The following CRYL1 variants were observed in gnomAD, a reference collection of about 807,000 sequenced individuals.
CRYL1 encodes crystallin lambda 1.
Under a neutral mutation model 36.6 loss-of-function variants are expected in CRYL1, and 29 were observed. The ratio of observed to expected loss-of-function variants is 0.79; its 90% CI spans 0.59 to 1.08. The LOEUF (loss-of-function observed/expected upper bound fraction) is 1.08. Among genes scored for constraint, CRYL1 ranks in the 50% least tolerant of loss-of-function variants. CRYL1 has a pLI of 0.00. For synonymous variants in CRYL1, 152 were observed against 151.5 expected (o/e 1.00, Z -0.02); for missense variants, 411 against 407.9 (o/e 1.01, Z -0.06).
chr13:20,520,591 A>C (rs753390991), intron 1 of CRYL1, among the ~76,000 whole-genome samples: 9 of 152,122 alleles, frequency 5.9e-5, no homozygotes, highest in Non-Finnish European at 1.2e-4. Flanking sequence ...CAGTCTTGAG[A>C]TTGGCCCCTT....
At chr13:20,428,606 T>C (rs2031985352) in intron 5 of CRYL1, among the ~76,000 whole-genome samples, 1 of 152,170 alleles carries the variant, frequency 6.6e-6, no homozygotes, top group Admixed American at 6.5e-5. Context: ...TATCACCACT[T>C]AGTGAGTGGC....
intron 3 of CRYL1, among the ~76,000 whole-genome samples, chr13:20,480,458 G>A (rs915407278): frequency 6.6e-6 from 1 of 152,140 alleles, no homozygotes; most frequent in Non-Finnish European, 1.5e-5. Flanking sequence ...AAACTGAAAG[G>A]TAAAGTAGAA....
intron 3 of CRYL1, among the ~76,000 whole-genome samples, chr13:20,477,397 T>C (rs1164870466): frequency 6.6e-6 from 1 of 151,218 alleles, no homozygotes; most frequent in Non-Finnish European, 1.5e-5. Flanking sequence ...TTTTAGGTGT[T>C]GGAGAAATAG....
intron 2 of CRYL1, among the ~76,000 whole-genome samples, chr13:20,508,875 A>AAAAAAAAC (rs1491583448): frequency 7.2e-5 from 1 of 13,800 alleles, no homozygotes; most frequent in African/African-American, 1.4e-4. Context: ...AAAAAAAAAA[A>AAAAAAAAC]CAAAAAAAAA....
intron 5 of CRYL1, among the ~76,000 whole-genome samples, chr13:20,417,797 C>A (rs1042151572): frequency 6.6e-6 from 1 of 152,152 alleles, no homozygotes; most frequent in African/African-American, 2.4e-5. Flanking sequence ...CACAAGACAT[C>A]CGTGAAGTAG....
At chr13:20,471,433 A>G (rs113740366) in intron 3 of CRYL1, among the ~76,000 whole-genome samples, 7,762 of 152,028 alleles carry the variant, frequency 0.051, 654 homozygotes, top group African/African-American at 0.17. Flanking sequence ...TGGCTAACCC[A>G]TCTCTACTAA....
intron 6 of CRYL1, among the ~76,000 whole-genome samples, chr13:20,411,520 G>A (rs1277156296): frequency 6.6e-6 from 1 of 152,096 alleles, no homozygotes; most frequent in East Asian, 1.9e-4. Context: ...GTGGTTATCA[G>A]GCAGCGTCTG....
At chr13:20,451,650 T>A (rs1463271910) in intron 3 of CRYL1, among the ~76,000 whole-genome samples, 1 of 152,202 alleles carries the variant, frequency 6.6e-6, no homozygotes. Flanking sequence ...CTGGCAAGGC[T>A]GCAGAGAAAA....
At chr13:20,512,625 T>A in intron 1 of CRYL1, 75 bp from the exon 2 acceptor site, 1 of 1,080,378 alleles carries the variant, frequency 9.3e-7, no homozygotes, top group Non-Finnish European at 1.4e-6. Context: ...CCAGAATGAG[T>A]TTTTTTTAAA....
rs186858769 is a variant in CRYL1, at chr13:20,484,096, G to A, written c.276+5274C>T. Among the ~76,000 whole-genome samples the A allele has an allele frequency of 1.8e-3, 279 of 152,292 alleles. 2 individuals are homozygous for A. Among genetic ancestry groups the A allele is most frequent in the Non-Finnish European group, 2.8e-3 (192 of 68,024 alleles). On this transcript the variant is annotated intron_variant, in intron 3 of 7. Coordinates refer to ENST00000298248, the MANE Select transcript of CRYL1 (RefSeq NM_015974.3). ...CTCCCAAAGTGCTGGGATTACAGGC[G>A]TGAGCCACCGCGCCTGGCCAAAATA...
chr13:20,480,397 T>A (rs77156479), intron 3 of CRYL1, among the ~76,000 whole-genome samples: 1 of 133,222 alleles, frequency 7.5e-6, no homozygotes, highest in South Asian at 2.2e-4. Context: ...AAAAAAAAAT[T>A]ACCGTCTTCC....
chr13:20,497,814 C>T (rs1041810584), intron 2 of CRYL1, among the ~76,000 whole-genome samples: 2 of 150,652 alleles, frequency 1.3e-5, no homozygotes, highest in Middle Eastern at 3.2e-3. Context: ...CATATACATA[C>T]TACACACACA....
intron 6 of CRYL1, among the ~76,000 whole-genome samples, chr13:20,412,113 C>A (rs2031537826): frequency 6.6e-6 from 1 of 152,084 alleles, no homozygotes. Context: ...GGCAGGCAAC[C>A]ACATCCCCTT....
chr13:20,409,825 A>T lies in CRYL1; in HGVS notation c.739+3457T>A, dbSNP rs976368484. ...CATCAGAGAAATGCAAATCAAAACC[A>T]CAATGAGATACCATCTCACACCAGT... is the stretch of plus-strand genomic sequence containing the variant. On this transcript the variant is annotated intron_variant, in intron 6 of 7. Transcript: ENST00000298248. Among the ~76,000 whole-genome samples, 4 of 152,074 alleles carry T rather than the reference A, an allele frequency of 2.6e-5. No individual in the cohort carries two copies. The South Asian group carries it at 6.2e-4, about 24-fold the overall frequency.
chr13:20,496,861 A>AAT (rs2033613823), intron 2 of CRYL1, among the ~76,000 whole-genome samples: 1 of 150,992 alleles, frequency 6.6e-6, no homozygotes. Flanking sequence ...AAAAAAAAAA[A>AAT]GTGTAGGCCC....
rs560292278 is a variant in CRYL1 at position 20,439,902 on chromosome 13, T to C, written c.277-148A>G. ...TATCCCAAAATATGGCAACTTGGCATCTGAGAAAACAGCGGAAGCAGGGAG... is the reference window on the plus strand; with the variant it reads ...TATCCCAAAATATGGCAACTTGGCACCTGAGAAAACAGCGGAAGCAGGGAG... On this transcript the variant is annotated intron_variant, in intron 3 of 7. Transcript: ENST00000298248. 8.3e-6 allele frequency: 6 copies of C among 722,394 alleles called. No individual in the cohort carries two copies. The South Asian group carries it at 9.6e-5, about 12-fold the overall frequency. The allele number at this position is 722,394 out of a possible 1,614,324, so 44.7% of individuals were successfully genotyped here. A position where few individuals can be genotyped will look rare whatever the true frequency, so the allele number is the denominator to read the frequency against.
rs1431502215 is a variant in CRYL1 at position 20,415,277 on chromosome 13, A to G, written c.634-1890T>C. ...GGGAGGCACCCTCTGCCCTGCTGCGAGCCTGGGGCGCCTGGGCCTGGCCTC... is the reference window on the plus strand; with the variant it reads ...GGGAGGCACCCTCTGCCCTGCTGCGGGCCTGGGGCGCCTGGGCCTGGCCTC... On this transcript the variant is annotated intron_variant, in intron 5 of 7. Transcript: ENST00000298248. This position sits in a 1 kb window ranked among gnomAD's most constrained non-coding sequence, Gnocchi z 4.1. 6.6e-6 allele frequency among the ~76,000 whole-genome samples: 1 copy of G among 152,114 alleles called. No individual in the cohort carries two copies. The highest frequency in any genetic ancestry group is 1.5e-5 in the Non-Finnish European group (1 of 67,998).
intron 2 of CRYL1, among the ~76,000 whole-genome samples, chr13:20,493,526 T>C (rs1429000471): frequency 6.6e-6 from 1 of 152,112 alleles, no homozygotes; most frequent in Non-Finnish European, 1.5e-5. Context: ...CAGGTGAGGC[T>C]GCACATCCCT....
intron 3 of CRYL1, among the ~76,000 whole-genome samples, chr13:20,450,756 G>A (rs968903699): frequency 3.3e-5 from 5 of 152,152 alleles, no homozygotes; most frequent in Non-Finnish European, 7.3e-5. Flanking sequence ...CAAGACACAT[G>A]CACACACATG....
Sources: allele counts gnomAD v4.1 joint callset (sites outside exome capture counted in the v4.1 genomes callset), GRCh38; gene constraint gnomAD v4.1.1; non-coding constraint Gnocchi (gnomAD v3.1); transcripts MANE v1.5; gene names NCBI Gene and HGNC (gene_info 2026-07-23, HGNC 2026-07-21).